The following REV3L variants were observed in gnomAD, a reference collection of about 807,000 sequenced individuals.
REV3L encodes the protein REV3 like, DNA directed polymerase zeta catalytic subunit.
REV3L carries 69 observed loss-of-function variants against 299.4 expected under a neutral mutation model. The observed-to-expected ratio is 0.23, with a 90% CI of 0.19 to 0.28. The LOEUF (loss-of-function observed/expected upper bound fraction) is 0.28. REV3L is among the 10% of genes least tolerant of loss of function. REV3L has a pLI of 1.00. For synonymous variants in REV3L, 1,238 were observed against 1,271.4 expected, an observed-to-expected ratio of 0.97 and a Z score of 0.56; for missense variants, 3,128 against 3,693.8, an observed-to-expected ratio of 0.85 and a Z score of 3.97.
At chr6:111,358,779 C>G (rs1156700849) in intron 17 of REV3L, 43 bp downstream of exon 17, 1 of 1,463,450 alleles carries the variant, frequency 6.8e-7, no homozygotes, top group East Asian at 2.3e-5. Context: ...AAAACATTCA[C>G]CCTAGAGTGG....
intron 1 of REV3L, among the ~76,000 whole-genome samples, chr6:111,476,763 C>T (rs73765978): frequency 0.04 from 6,137 of 152,228 alleles, 202 homozygotes; most frequent in African/African-American, 0.08. Flanking sequence ...ATTTATGAAT[C>T]ATTTTGCAAT....
Position 111,381,399 on chromosome 6 carries a change from G to T in REV3L, c.1142C>A (p.Ala381Glu). ...ACTATTTTCCATAAGGTTCAAAATTGCTTCTTCATTAATAAGAGCTTCTTC... is the reference window on the plus strand; with the variant it reads ...ACTATTTTCCATAAGGTTCAAAATTTCTTCTTCATTAATAAGAGCTTCTTC... Reference protein sequence around the residue: ...KVEEALINEEAILNLMENSQT... With the variant: ...KVEEALINEEEILNLMENSQT... Residue 381 changes from alanine (A) to glutamate (E), a missense_variant, in exon 10 of 32, where the codon GCA becomes GAA. Ala to Glu is a moderately radical substitution (Grantham distance 107). Coordinates refer to ENST00000368802, the MANE Select transcript of REV3L (RefSeq NM_001372078.1). 6.8e-6 allele frequency: 11 copies of T among 1,613,182 alleles called. No individual in the cohort carries two copies. The highest frequency in any genetic ancestry group is 9.3e-6 in the Non-Finnish European group (11 of 1,179,552).
chr6:111,398,173 T>C (rs80237142), intron 4 of REV3L, among the ~76,000 whole-genome samples: 3,617 of 151,968 alleles, frequency 0.024, 56 homozygotes, highest in Admixed American at 0.065. Flanking sequence ...TATTGAGAAC[T>C]GTTACATCTT....
At chr6:111,313,936 C>CTA (rs1389241907) in intron 27 of REV3L, among the ~76,000 whole-genome samples, 10 of 152,148 alleles carry the variant, frequency 6.6e-5, no homozygotes, top group African/African-American at 2.4e-4. Flanking sequence ...TTGTTACTTC[C>CTA]TATATGGAGT....
rs1281480016 is a variant in REV3L, at chr6:111,376,045, A to G, written c.2310T>C (p.Asn770=). The change falls in exon 13 of 32, where the codon AAT becomes AAC. Residue 770 remains asparagine (N), a synonymous_variant. Coordinates refer to ENST00000368802, the MANE Select transcript of REV3L (RefSeq NM_001372078.1). ...ATTCTTCATACCTAATTTTAAGTTT[A>G]TTTAGTCCACTTTCATCAGCAGTGC... The part of the protein sequence containing the change: ...LNSTADESGL[N]KLKIRYEEFQ... 1.2e-6 allele frequency: 2 copies of G among 1,613,954 alleles called. No individual in the cohort carries two copies. The highest frequency in any genetic ancestry group is 4.5e-5 in the East Asian group (2 of 44,858).
Position 111,373,939 on chromosome 6 carries a change from C to T in REV3L, c.4416G>A (p.Trp1472Ter). ...SLRSPIKQIAWEQKQRGFILD... is the reference protein window; with the variant it reads ...SLRSPIKQIA ...AAATAAAGCCCCTTTGCTTTTGCTC[C>T]CATGCTATTTGTTTGATTGGACTTC... Residue 1472 changes from tryptophan to a stop codon, truncating the protein, a stop_gained, in exon 13 of 32, where the codon TGG (tryptophan) becomes TGA (stop). Coordinates refer to ENST00000368802, the MANE Select transcript of REV3L (RefSeq NM_001372078.1). LOFTEE classifies it high-confidence loss of function. 6.2e-7 allele frequency: 1 copy of T among 1,614,082 alleles called. No individual in the cohort carries two copies. Among genetic ancestry groups the T allele is most frequent in the Non-Finnish European group, 8.5e-7 (1 of 1,179,974 alleles).
At position 111,309,853 on chromosome 6, in the gene REV3L, C is replaced by G; in HGVS notation, c.9042G>C (p.Arg3014Ser). Residue 3014 changes from arginine (R) to serine (S), a missense_variant and splice_region_variant, in exon 30 of 32, where the codon AGG becomes AGC. Coordinates refer to ENST00000368802, the MANE Select transcript of REV3L (RefSeq NM_001372078.1). Reference protein sequence around the residue: ...DVFSWYHELPRIHKATSSSRS... With the variant: ...DVFSWYHELPSIHKATSSSRS... ...CACATGTACTATTTGGTAAGCTTAC[C>G]CTTGGTAATTCATGATACCAGCTGA... The G allele has an allele frequency of 1.2e-6, 2 of 1,612,794 alleles. No individual in the cohort carries two copies. The highest frequency in any genetic ancestry group is 1.7e-6 in the Non-Finnish European group (2 of 1,179,362).
chr6:111,343,637 C>G (rs1309201898), intron 21 of REV3L, among the ~76,000 whole-genome samples: 1 of 152,182 alleles, frequency 6.6e-6, no homozygotes, highest in Non-Finnish European at 1.5e-5. Context: ...TCAAGTGATT[C>G]TCCTGCCTTA....
rs375498724 is a variant in REV3L at position 111,376,106 on chromosome 6, G to A, written c.2249C>T (p.Ser750Leu). The change falls in exon 13 of 32, where the codon TCA becomes TTA. Residue 750 changes from serine (S) to leucine (L), a missense_variant. By Grantham distance (145) the Ser-to-Leu change is moderately radical. Transcript: ENST00000368802. ...ATGCACCATAGTTCTATTCTCCCCT[G>A]AGCATGACAGTAATTCACAATTTTC... ...FTENCELLSC[S>L]GENRTMVHSL... 3.1e-6 allele frequency: 5 copies of A among 1,613,256 alleles called. No individual in the cohort carries two copies. The African/African-American group carries it at 6.7e-5, about 22-fold the overall frequency.
intron 1 of REV3L, among the ~76,000 whole-genome samples, chr6:111,428,565 G>T (rs1786468098): frequency 6.6e-6 from 1 of 151,906 alleles, no homozygotes; most frequent in Admixed American, 6.6e-5. Context: ...TCAAAACTGA[G>T]AAATACATTT....
chr6:111,448,963 G>C (rs1340923602), intron 1 of REV3L, among the ~76,000 whole-genome samples: 2 of 151,868 alleles, frequency 1.3e-5, no homozygotes, highest in Admixed American at 1.3e-4. Context: ...CACCACACCT[G>C]GCCAATTACA....
At chr6:111,332,803 G>A (rs894480375) in intron 23 of REV3L, among the ~76,000 whole-genome samples, 1 of 152,148 alleles carries the variant, frequency 6.6e-6, no homozygotes, top group African/African-American at 2.4e-5. Flanking sequence ...TCCTCAAACT[G>A]TTCCACTGAA....
intron 1 of REV3L, among the ~76,000 whole-genome samples, chr6:111,454,620 G>T (rs1014882029): frequency 4.6e-5 from 7 of 151,998 alleles, no homozygotes; most frequent in Admixed American, 4.6e-4. Flanking sequence ...GACTATTGTA[G>T]GTATCTCATA....
chr6:111,373,948 T>A lies in REV3L; in HGVS notation c.4407A>T (p.Gln1469His). 6.2e-7 allele frequency: 1 copy of A among 1,614,144 alleles called. No homozygotes were observed. The highest frequency in any genetic ancestry group is 8.5e-7 in the Non-Finnish European group (1 of 1,179,986). Residue 1469 changes from glutamine (Q) to histidine (H), a missense_variant, in exon 13 of 32, where the codon CAA becomes CAT. Physicochemically the swap from Gln to His is conservative, Grantham distance 24. Transcript: ENST00000368802. ...FVTSLRSPIK[Q>H]IAWEQKQRGF... ...CCCTTTGCTTTTGCTCCCATGCTAT[T>A]TGTTTGATTGGACTTCTCAAGGAAG...
chr6:111,335,815 T>C (rs1040066405), intron 21 of REV3L, among the ~76,000 whole-genome samples: 6 of 152,166 alleles, frequency 3.9e-5, no homozygotes. Context: ...CCAGTAAAGA[T>C]ACACAAAATT....
intron 10 of REV3L, among the ~76,000 whole-genome samples, chr6:111,380,922 G>C (rs1379108910): frequency 1.3e-5 from 2 of 152,206 alleles, no homozygotes; most frequent in Non-Finnish European, 2.9e-5. Context: ...GCCCTGGCCA[G>C]TGAGATGAGG....
At chr6:111,306,508 C>T (rs1772318507) in intron 31 of REV3L, among the ~76,000 whole-genome samples, 1 of 152,138 alleles carries the variant, frequency 6.6e-6, no homozygotes, top group African/African-American at 2.4e-5. Context: ...TTTCATTCTT[C>T]AACTTACTTT....
intron 1 of REV3L, among the ~76,000 whole-genome samples, chr6:111,482,063 T>C (rs528568898): frequency 6.6e-6 from 1 of 152,308 alleles, no homozygotes; most frequent in South Asian, 2.1e-4. Context: ...CCTACTTCCA[T>C]GGATGCACAT....
At chr6:111,364,483 A>AT (rs17511041) in intron 15 of REV3L, among the ~76,000 whole-genome samples, 65,046 of 151,708 alleles carry the variant, frequency 0.43, 16,429 homozygotes, top group South Asian at 0.59. Flanking sequence ...TTACAAAATT[A>AT]TTTTTTCTGA....
Sources: allele counts gnomAD v4.1 joint callset (sites outside exome capture counted in the v4.1 genomes callset), GRCh38; gene constraint gnomAD v4.1.1; transcripts MANE v1.5; gene names NCBI Gene and HGNC (gene_info 2026-07-23, HGNC 2026-07-21).